Variants in DEAF1 observed in about 807,000 individuals in gnomAD.
DEAF1 encodes DEAF1 transcription factor.
Under a neutral mutation model 58.9 loss-of-function variants are expected in DEAF1, and 53 were observed. The ratio of observed to expected loss-of-function variants is 0.90; its 90% CI spans 0.72 to 1.13. The LOEUF is 1.13. Ranked by LOEUF, DEAF1 falls within the 50% of genes most tolerant of loss-of-function variation. The probability of loss-of-function intolerance (pLI) is 0.00; values close to 1 mark genes in which losing one functional copy is unlikely to be tolerated. For synonymous variants in DEAF1, 385 were observed against 340.4 expected, an observed-to-expected ratio of 1.13 and a Z score of -1.44; for missense variants, 685 against 791.4, an observed-to-expected ratio of 0.87 and a Z score of 1.61.
rs1228400533 is a variant in DEAF1 at position 688,096 on chromosome 11, A to G, written c.518-39T>C. On this transcript the variant is annotated intron_variant, in intron 3 of 11. Transcript: ENST00000382409. The surrounding 1 kb of genome is among the most constrained non-coding windows in gnomAD (Gnocchi z 4.3). ...AGTGTTTGAAGGTGAGAGGCCGGACACCGGGAAGCATAGTACACTCTCATC... is the reference window on the plus strand; with the variant it reads ...AGTGTTTGAAGGTGAGAGGCCGGACGCCGGGAAGCATAGTACACTCTCATC... 6.8e-6 allele frequency: 11 copies of G among 1,612,730 alleles called. No homozygotes were observed. The highest frequency in any genetic ancestry group is 9.3e-6 in the Non-Finnish European group (11 of 1,179,550).
chr11:703,058 T>C, intron 1 of DEAF1: 2 of 1,612,776 alleles, frequency 1.2e-6, no homozygotes, highest in South Asian at 2.2e-5. Context: ...CCTAGTGTTG[T>C]GGGCGGACTG....
intron 9 of DEAF1, among the ~76,000 whole-genome samples, chr11:676,465 G>A (rs1303010027): frequency 2.0e-5 from 3 of 150,876 alleles, no homozygotes; most frequent in Non-Finnish European, 4.4e-5. Flanking sequence ...TCTGAATGCG[G>A]CTGCTGGACC....
chr11:670,953 G>A (rs1375238778), intron 10 of DEAF1, among the ~76,000 whole-genome samples: 11 of 53,850 alleles, frequency 2.0e-4, no homozygotes, highest in South Asian at 5.1e-4. Context: ...TTTTGAGACA[G>A]AGTCTCACTT....
Position 664,116 on chromosome 11 carries a change from G to A in DEAF1, c.1504-10065C>T, listed in dbSNP as rs1394539497. 2.6e-5 allele frequency among the ~76,000 whole-genome samples: 4 copies of A among 152,226 alleles called. No individual in the cohort carries two copies. The East Asian group carries it at 5.8e-4, about 22-fold the overall frequency. Reference sequence around the variant, plus strand: ...TATTCCCAGCTACTCAGGAGGCTGAGGCAGAAGAATCCCTTGAACCCAGGA... The same window carrying A: ...TATTCCCAGCTACTCAGGAGGCTGAAGCAGAAGAATCCCTTGAACCCAGGA... On this transcript the variant is annotated intron_variant, in intron 10 of 11. Transcript: ENST00000382409.
Position 680,166 on chromosome 11 carries a change from T to G in DEAF1, c.998-350A>C, listed in dbSNP as rs1008451898. The G allele has an allele frequency of 8.8e-6, 3 of 340,250 alleles. 1 individual carries two copies. Among genetic ancestry groups the G allele is most frequent in the Non-Finnish European group, 1.7e-5 (3 of 175,912 alleles). The allele number at this position is 340,250 out of a possible 1,614,324, so 21.1% of individuals were successfully genotyped here. A position where few individuals can be genotyped will look rare whatever the true frequency, so the allele number is the denominator to read the frequency against. On this transcript the variant is annotated intron_variant, in intron 7 of 11. Coordinates refer to ENST00000382409, the MANE Select transcript of DEAF1 (RefSeq NM_021008.4). ...TTAAGAAAAAATCTTTAATCCAAGC[T>G]GAAGGTAAAAAGCAGCCGTGTCCCA... is the stretch of plus-strand genomic sequence containing the variant.
Position 688,050 on chromosome 11 carries a change from C to T in DEAF1, c.525G>A (p.Gln175=). ...GPAAPLTPGP[Q]SPPTPLAPGQ... is the part of the protein sequence containing the mutation. Reference sequence around the variant, plus strand: ...CGGGAGCCAGAGGGGTTGGAGGAGACTGAGGACCTTGGGCAGAGAAAGTGT... The same window carrying T: ...CGGGAGCCAGAGGGGTTGGAGGAGATTGAGGACCTTGGGCAGAGAAAGTGT... The change falls in exon 4 of 12, where the codon CAG becomes CAA. Residue 175 remains glutamine (Q), a synonymous_variant. Coordinates refer to ENST00000382409, the MANE Select transcript of DEAF1 (RefSeq NM_021008.4). This position sits in a 1 kb window ranked among gnomAD's most constrained non-coding sequence, Gnocchi z 4.3. 6.2e-7 allele frequency: 1 copy of T among 1,614,032 alleles called. No individual in the cohort carries two copies. The highest frequency in any genetic ancestry group is 1.3e-5 in the African/African-American group (1 of 75,034).
chr11:670,309 T>C (rs1180534454), intron 10 of DEAF1, among the ~76,000 whole-genome samples: 2 of 152,258 alleles, frequency 1.3e-5, no homozygotes, highest in East Asian at 1.9e-4. Context: ...ACGGTCATTA[T>C]CTTTGGGTGC....
At chr11:653,822 G>T in intron 11 of DEAF1, 140 bp downstream of exon 11, 3 of 769,260 alleles carry the variant, frequency 3.9e-6, no homozygotes, top group Non-Finnish European at 6.9e-6. Flanking sequence ...AGCCAGGCAG[G>T]AGCCCCGGAT....
rs368252201 is a variant in DEAF1 at position 691,640 on chromosome 11, G to A, written c.290-42C>T. 8 of 1,579,948 alleles carry A rather than the reference G, an allele frequency of 5.1e-6. No individual in the cohort carries two copies. In the African/African-American group the frequency reaches 9.4e-5, roughly 19 times the overall value. ...CTCATTTAACAAGCAACAAAAGCCA[G>A]AATGGACAAAGCGAACAGCCTCGCT... On this transcript the variant is annotated intron_variant, in intron 1 of 11. Transcript: ENST00000382409.
At chr11:700,236 GT>G (rs777235039) in intron 1 of DEAF1, 1 of 1,613,090 alleles carries the variant, frequency 6.2e-7, no homozygotes. Flanking sequence ...ACGTATAAAA[GT>G]AAGTCAGGGA....
Position 686,889 on chromosome 11 carries a change from T to C in DEAF1, c.773A>G (p.Tyr258Cys), listed in dbSNP as rs1860616774. The C allele has an allele frequency of 1.2e-6, 2 of 1,614,250 alleles. No homozygotes were observed. The highest frequency in any genetic ancestry group is 1.7e-6 in the Non-Finnish European group (2 of 1,180,046). ...GAGGCACTGCAAGGGTCGGCCCGCG[T>C]AGCGAATGCTTCTTTTCCAGTCCTT... ...SSKDWKRSIR[Y>C]AGRPLQCLIQ... The change falls in exon 5 of 12, where the codon TAC becomes TGC. Residue 258 changes from tyrosine (Y) to cysteine (C), a missense_variant. Tyr to Cys is a radical substitution (Grantham distance 194). Transcript: ENST00000382409.
chr11:677,972 A>C (rs1240648233), intron 9 of DEAF1, among the ~76,000 whole-genome samples: 1 of 142,910 alleles, frequency 7.0e-6, no homozygotes, highest in African/African-American at 2.6e-5. Flanking sequence ...CAAAAAAAAA[A>C]ACAAAAAACG....
At position 705,010 on chromosome 11, in the gene DEAF1, G is replaced by T; in HGVS notation, c.-438+1562C>A. 2.8e-5 allele frequency: 7 copies of T among 246,260 alleles called. No homozygotes were observed. The South Asian group carries it at 3.2e-4, about 11-fold the overall frequency. The allele number at this position is 246,260 out of a possible 1,614,324, so 15.3% of individuals were successfully genotyped here. Reference sequence around the variant, plus strand: ...CACGGCAGGTTCCTGGAGATCAAACGGCAAAGGCTGTAAACCAGGAAGCCA... The same window carrying T: ...CACGGCAGGTTCCTGGAGATCAAACTGCAAAGGCTGTAAACCAGGAAGCCA... On this transcript the variant is annotated intron_variant, in intron 1 of 11. Coordinates refer to the DEAF1 transcript ENST00000683307.
intron 9 of DEAF1, chr11:678,405 C>T (rs569814422): frequency 5.1e-6 from 2 of 395,566 alleles, no homozygotes; most frequent in East Asian, 1.2e-4. Context: ...ACAGCAAACT[C>T]ACCAGAAAGA....
At chr11:667,391 A>AGGGAGG (rs1859594259) in intron 10 of DEAF1, among the ~76,000 whole-genome samples, 1 of 100,672 alleles carries the variant, frequency 9.9e-6, no homozygotes, top group Non-Finnish European at 1.9e-5. Context: ...AAGGAAGGAG[A>AGGGAGG]GAGGGAGGGA....
At position 670,715 on chromosome 11, in the gene DEAF1, A is replaced by AAT. The variant is rs202007741; in HGVS notation, c.1503+3819_1503+3820dup. Reference sequence around the variant, plus strand: ...GGGTGACACAGCAAGACCATCTCAAAATATATATATATCTTTTTCTTTATT... The same window carrying AAT: ...GGGTGACACAGCAAGACCATCTCAAAATATATATATATATCTTTTTCTTTATT... On this transcript the variant is annotated intron_variant, in intron 10 of 11. Transcript: ENST00000382409. Among the ~76,000 whole-genome samples, 1,333 of 150,456 alleles carry AAT rather than the reference A, an allele frequency of 8.9e-3. 16 individuals carry two copies. Among genetic ancestry groups the AAT allele is most frequent in the African/African-American group, 0.028 (1,153 of 41,110 alleles).
At chr11:662,411 G>A (rs988214277) in intron 10 of DEAF1, among the ~76,000 whole-genome samples, 7 of 152,220 alleles carry the variant, frequency 4.6e-5, no homozygotes, top group Non-Finnish European at 4.4e-5. Context: ...AGTGGCGTGG[G>A]ATCAGGGAAC....
At chr11:668,884 G>A (rs1859676830) in intron 10 of DEAF1, among the ~76,000 whole-genome samples, 1 of 152,140 alleles carries the variant, frequency 6.6e-6, no homozygotes, top group South Asian at 2.1e-4. Context: ...GGACTGCAGT[G>A]GTGCAATCTC....
At position 695,034 on chromosome 11, in the gene DEAF1, TC is replaced by T; in HGVS notation, c.13del (p.Asp5ThrfsTer38). MEDS[D>X]SAAKQLGLAE... The stretch of plus-strand genomic sequence containing the variant: ...CAGGCCCAGCTGCTTTGCCGCCGAG[TC>T]CGAGTCCTCCATCCGGACTCCGCCG... On this transcript the variant is annotated frameshift_variant, in exon 1 of 12. Coordinates refer to ENST00000382409, the MANE Select transcript of DEAF1 (RefSeq NM_021008.4). LOFTEE classifies it high-confidence loss of function. 1 of 1,408,296 alleles carries T rather than the reference TC, an allele frequency of 7.1e-7. No individual in the cohort carries two copies. The allele number at this position is 1,408,296 out of a possible 1,614,324, so 87.2% of individuals were successfully genotyped here. A position where few individuals can be genotyped will look rare whatever the true frequency, so the allele number is the denominator to read the frequency against.
Sources: allele counts gnomAD v4.1 joint callset (sites outside exome capture counted in the v4.1 genomes callset), GRCh38; gene constraint gnomAD v4.1.1; non-coding constraint Gnocchi (gnomAD v3.1); transcripts MANE v1.5; gene names NCBI Gene and HGNC (gene_info 2026-07-23, HGNC 2026-07-21).